Variants in PHACTR4 observed in about 807,000 individuals in gnomAD.
PHACTR4 encodes protein phosphatase 1, regulatory subunit 124.
In PHACTR4, 51 loss-of-function variants were observed where a neutral mutation model predicts 72.7. The observed-to-expected ratio is 0.70, with a 90% confidence interval of 0.56 to 0.89. The LOEUF (loss-of-function observed/expected upper bound fraction) is 0.89, where lower values mean the gene tolerates loss of function less well. PHACTR4 is among the 40% of genes least tolerant of loss of function. The probability of loss-of-function intolerance (pLI) is 0.00; values close to 1 mark genes in which losing one functional copy is unlikely to be tolerated. For missense variants in PHACTR4, 731 were observed against 861.8 expected (o/e 0.85, Z 1.90); for synonymous variants, 255 against 302.5 (o/e 0.84, Z 1.63).
At chr1:28,405,877 C>T (rs943024615) in intron 1 of PHACTR4, among the ~76,000 whole-genome samples, 1 of 150,748 alleles carries the variant, frequency 6.6e-6, no homozygotes, top group Non-Finnish European at 1.5e-5. Context: ...GACAACAGAG[C>T]GAAACTCCAT....
intron 1 of PHACTR4, among the ~76,000 whole-genome samples, chr1:28,386,303 A>G (rs941772519): frequency 1.3e-5 from 2 of 152,028 alleles, no homozygotes; most frequent in African/African-American, 4.8e-5. Flanking sequence ...CATGTTGGCC[A>G]GGCTGGTCTT....
At chr1:28,468,891 T>G (rs932952277) in intron 6 of PHACTR4, among the ~76,000 whole-genome samples, 6 of 152,204 alleles carry the variant, frequency 3.9e-5, no homozygotes, top group Admixed American at 3.9e-4. Context: ...CATACCACCC[T>G]TTTCAAGTTA....
chr1:28,475,199 C>T (rs1356447404), intron 7 of PHACTR4, among the ~76,000 whole-genome samples: 1 of 152,126 alleles, frequency 6.6e-6, no homozygotes, highest in Non-Finnish European at 1.5e-5. Flanking sequence ...AGTCTGCCTG[C>T]CTCAACCTCC....
In PHACTR4 at chr1:28,471,016, AC is replaced by A. The variant is rs779860504; in HGVS notation, c.824-2536del. Among the ~76,000 whole-genome samples, 93 of 146,706 alleles carry A rather than the reference AC, an allele frequency of 6.3e-4. 1 individual carries two copies. Among genetic ancestry groups the A allele is most frequent in the Non-Finnish European group, 1.9e-4 (13 of 67,080 alleles). On this transcript the variant is annotated intron_variant, in intron 6 of 13. Coordinates refer to ENST00000373839, the MANE Select transcript of PHACTR4 (RefSeq NM_001048183.3). Reference sequence around the variant, plus strand: ...ACTCCAGTCTGGGCAACAGAGGGAGACCTTGTCTCAAAAGAAAAAAAAAAAA... The same window carrying A: ...ACTCCAGTCTGGGCAACAGAGGGAGACTTGTCTCAAAAGAAAAAAAAAAAA...
chr1:28,492,982 A>G, intron 12 of PHACTR4, 33 bp from the exon 13 acceptor site: 1 of 1,557,860 alleles, frequency 6.4e-7, no homozygotes, highest in Non-Finnish European at 8.9e-7. Flanking sequence ...AGCAGCCAGA[A>G]GAAGCTGAAA....
At chr1:28,490,007 A>G in intron 10 of PHACTR4, 2 of 437,622 alleles carry the variant, frequency 4.6e-6, no homozygotes, top group East Asian at 1.1e-4. Flanking sequence ...CTCTTGAGCA[A>G]GAATCTGCAG....
At position 28,398,879 on chromosome 1, in the gene PHACTR4, G is replaced by A. The variant is rs368108615; in HGVS notation, c.-38-8531G>A. On this transcript the variant is annotated intron_variant, in intron 1 of 13. Coordinates refer to ENST00000373839, the MANE Select transcript of PHACTR4 (RefSeq NM_001048183.3). ...ATATTCAAAAAGAAGCACTTTTGAGGCAATAGTTTTATCAGATCTCAAATA... is the reference window on the plus strand; with the variant it reads ...ATATTCAAAAAGAAGCACTTTTGAGACAATAGTTTTATCAGATCTCAAATA... 7.2e-5 allele frequency among the ~76,000 whole-genome samples: 11 copies of A among 152,084 alleles called. 1 individual carries two copies. Among genetic ancestry groups the A allele is most frequent in the Admixed American group, 2.6e-4 (4 of 15,270 alleles).
At chr1:28,378,333 C>A (rs1430437996) in intron 1 of PHACTR4, among the ~76,000 whole-genome samples, 1 of 134,066 alleles carries the variant, frequency 7.5e-6, no homozygotes, top group Non-Finnish European at 1.6e-5. Context: ...GAAACCCCGT[C>A]TCTACTAAAA....
intron 1 of PHACTR4, among the ~76,000 whole-genome samples, chr1:28,396,102 T>G (rs1044378139): frequency 1.3e-5 from 2 of 151,880 alleles, no homozygotes; most frequent in Non-Finnish European, 2.9e-5. Flanking sequence ...ACTGCTTTTA[T>G]TTGTAGCTAC....
At chr1:28,376,782 G>A (rs556151320) in intron 1 of PHACTR4, among the ~76,000 whole-genome samples, 1 of 151,566 alleles carries the variant, frequency 6.6e-6, no homozygotes, top group African/African-American at 2.4e-5. Context: ...GACTATAGGC[G>A]CCCACCACCA....
chr1:28,376,273 A>G (rs1651659795), intron 1 of PHACTR4, among the ~76,000 whole-genome samples: 1 of 150,540 alleles, frequency 6.6e-6, no homozygotes. Context: ...AGATTGTGCC[A>G]CTGGACTCCA....
At chr1:28,421,393 GTT>G (rs578085922) in intron 2 of PHACTR4, among the ~76,000 whole-genome samples, 4 of 143,214 alleles carry the variant, frequency 2.8e-5, no homozygotes, top group Non-Finnish European at 3.1e-5. Flanking sequence ...GGGTTTTTTT[GTT>G]TTTTTTTTTT....
chr1:28,411,917 GAGAA>G (rs568873331), intron 2 of PHACTR4, among the ~76,000 whole-genome samples: 15 of 152,096 alleles, frequency 9.9e-5, no homozygotes, highest in South Asian at 2.1e-4. Flanking sequence ...AAGAAAGAAA[GAGAA>G]AGAAAGAAAG....
chr1:28,389,471 A>G (rs918623417), intron 1 of PHACTR4, among the ~76,000 whole-genome samples: 2 of 147,052 alleles, frequency 1.4e-5, no homozygotes, highest in Non-Finnish European at 1.5e-5. Flanking sequence ...GTAAATTTGT[A>G]TACTACTTTT....
chr1:28,456,916 C>CAGATAGAT lies in PHACTR4; in HGVS notation c.17-2143_17-2136dup, dbSNP rs67017920. ...ATAACTAGATAAATAGATAGAGAGACAGATAGATAGATAGATAGATAGATA... is the reference window on the plus strand; with the variant it reads ...ATAACTAGATAAATAGATAGAGAGACAGATAGATAGATAGATAGATAGATAGATAGATA... On this transcript the variant is annotated intron_variant, in intron 2 of 13. Coordinates refer to ENST00000373839, the MANE Select transcript of PHACTR4 (RefSeq NM_001048183.3). 3.8e-3 allele frequency among the ~76,000 whole-genome samples: 570 copies of CAGATAGAT among 150,884 alleles called. 2 individuals are homozygous for CAGATAGAT. Among genetic ancestry groups the CAGATAGAT allele is most frequent in the African/African-American group, 0.013 (546 of 41,116 alleles).
At chr1:28,446,711 G>A (rs751207754) in intron 2 of PHACTR4, among the ~76,000 whole-genome samples, 1 of 152,032 alleles carries the variant, frequency 6.6e-6, no homozygotes, top group Admixed American at 6.6e-5. Flanking sequence ...CCCTGGAGGC[G>A]GAGGTTGTCG....
intron 2 of PHACTR4, among the ~76,000 whole-genome samples, chr1:28,456,034 A>AT (rs910781187): frequency 1.2e-3 from 184 of 149,470 alleles, no homozygotes; most frequent in African/African-American, 4.1e-3. Flanking sequence ...TGTATCAACT[A>AT]TTTTTTTTTT....
In PHACTR4 at chr1:28,499,649, G is replaced by C. The variant is rs1000472337; in HGVS notation, c.*3100G>C. On this transcript the variant is annotated 3_prime_UTR_variant, in exon 14 of 14. Transcript: ENST00000373839. ...GTGCCACCAGGCCCAGCTAATTTTT[G>C]TGTTTTGTTAGAGATGAGGTTTTGC... 8.6e-5 allele frequency: 13 copies of C among 152,038 alleles called. No individual in the cohort carries two copies. Among genetic ancestry groups the C allele is most frequent in the African/African-American group, 3.1e-4 (13 of 41,386 alleles). 9.4% of individuals were successfully genotyped at this position (152,038 alleles called of 1,614,324 possible). A position where few individuals can be genotyped will look rare whatever the true frequency, so the allele number is the denominator to read the frequency against.
At chr1:28,441,522 T>C (rs1221904973) in intron 2 of PHACTR4, among the ~76,000 whole-genome samples, 1 of 152,244 alleles carries the variant, frequency 6.6e-6, no homozygotes, top group Non-Finnish European at 1.5e-5. Context: ...GTTATAACCA[T>C]ATCCAACCAG....
Sources: gnomAD v4.1 joint callset for allele counts (sites outside exome capture counted in the v4.1 genomes callset) on GRCh38, gnomAD v4.1.1 for gene constraint, MANE v1.5 for transcripts, NCBI Gene and HGNC (gene_info 2026-07-23, HGNC 2026-07-21) for gene names.